Variants in SDHA observed in about 807,000 individuals in gnomAD.
SDHA encodes the protein succinate dehydrogenase complex flavoprotein subunit A, also known as succinate dehydrogenase [ubiquinone] flavoprotein subunit, mitochondrial.
SDHA carries 48 observed loss-of-function variants against 78.4 expected under a neutral mutation model. The observed-to-expected ratio is 0.61, with a 90% CI of 0.49 to 0.78. SDHA has a LOEUF of 0.78. Among genes scored for constraint, SDHA ranks in the 30% least tolerant of loss-of-function variants. The pLI is 0.00. For synonymous variants in SDHA, 326 were observed against 353.9 expected (o/e 0.92, Z 0.88); for missense variants, 680 against 892.7 (o/e 0.76, Z 3.04).
chr5:240,536 G>A (rs1327631869), intron 11 of SDHA, 60 bp downstream of exon 11: 16 of 1,143,554 alleles, frequency 1.4e-5, no homozygotes, highest in Non-Finnish European at 2.1e-5. Context: ...CCCTGCACTG[G>A]TTTTGTTTTT....
chr5:236,738 A>G, intron 10 of SDHA, 139 bp downstream of exon 10: 1 of 833,376 alleles, frequency 1.2e-6, no homozygotes, highest in Non-Finnish European at 2.0e-6. Context: ...CCCGGGCTCA[A>G]GCAGTCTTCA....
intron 6 of SDHA, among the ~76,000 whole-genome samples, chr5:229,791 C>T (rs113832454): frequency 0.069 from 9,058 of 131,830 alleles, 415 homozygotes; most frequent in Admixed American, 0.091. Context: ...AGCATGGTGG[C>T]TAGAGTTAAC....
intron 11 of SDHA, among the ~76,000 whole-genome samples, chr5:243,937 G>A (rs1237828118): frequency 6.6e-6 from 1 of 152,146 alleles, no homozygotes; most frequent in East Asian, 1.9e-4. Flanking sequence ...TACTAAAAAA[G>A]AATGTAGAAA....
intron 1 of SDHA, among the ~76,000 whole-genome samples, chr5:221,433 G>A (rs1011154837): frequency 6.6e-6 from 1 of 152,182 alleles, no homozygotes; most frequent in Non-Finnish European, 1.5e-5. Flanking sequence ...TTTTGTGATT[G>A]TGTAGGTTGT....
intron 14 of SDHA, among the ~76,000 whole-genome samples, chr5:255,323 G>C (rs1463630873): frequency 6.6e-6 from 1 of 151,842 alleles, no homozygotes; most frequent in East Asian, 1.9e-4. Flanking sequence ...CTATCATCTA[G>C]TGTGTCTGTG....
intron 10 of SDHA, among the ~76,000 whole-genome samples, chr5:239,506 G>A (rs1414545018): frequency 1.3e-5 from 2 of 151,446 alleles, no homozygotes; most frequent in African/African-American, 2.4e-5. Context: ...GCAGTGAGCC[G>A]AGATGGTGCC....
At chr5:264,969 A>T in the SDHA span, among the ~76,000 whole-genome samples, 1 of 152,174 alleles carries the variant, frequency 6.6e-6, no homozygotes, top group Non-Finnish European at 1.5e-5. Flanking sequence ...GCACTTTGGG[A>T]GGCCGAGGTG....
chr5:246,863 G>C (rs1561006721), intron 11 of SDHA, among the ~76,000 whole-genome samples: 1 of 152,204 alleles, frequency 6.6e-6, no homozygotes, highest in Non-Finnish European at 1.5e-5. Context: ...AAATTACATG[G>C]ATATGATCCT....
downstream of SDHA, among the ~76,000 whole-genome samples, chr5:258,623 C>T (rs1737365435): frequency 2.1e-5 from 2 of 94,446 alleles, no homozygotes; most frequent in Middle Eastern, 8.8e-3. Flanking sequence ...AGAGCATTAC[C>T]GTGTGAGCTC....
chr5:241,549 G>A (rs1349887106), intron 11 of SDHA, among the ~76,000 whole-genome samples: 1 of 152,212 alleles, frequency 6.6e-6, no homozygotes, highest in African/African-American at 2.4e-5. Flanking sequence ...CATCCAGTAT[G>A]GCAGCCATTA....
At chr5:231,696 G>A (rs1329390560) in intron 7 of SDHA, among the ~76,000 whole-genome samples, 4 of 152,286 alleles carry the variant, frequency 2.6e-5, no homozygotes, top group East Asian at 3.9e-4. Flanking sequence ...GTCTCCACCG[G>A]GGTTTACTGA....
At chr5:218,605 C>T (rs1454732124) in intron 1 of SDHA, among the ~76,000 whole-genome samples, 187 bp downstream of exon 1, 1 of 152,174 alleles carries the variant, frequency 6.6e-6, no homozygotes, top group Non-Finnish European at 1.5e-5. Context: ...CTCGGGGACC[C>T]GGGGAGCTCG....
intron 11 of SDHA, among the ~76,000 whole-genome samples, chr5:248,233 G>C (rs1420092527): frequency 2.6e-5 from 4 of 152,006 alleles, no homozygotes; most frequent in Non-Finnish European, 5.9e-5. Flanking sequence ...GAGATTCTGG[G>C]AGGATCCCGA....
the SDHA span, among the ~76,000 whole-genome samples, chr5:268,730 T>A: frequency 7.9e-5 from 12 of 152,296 alleles, no homozygotes; most frequent in South Asian, 2.3e-3. Context: ...ATTTAAATAT[T>A]AAAAGGGTGG....
intron 10 of SDHA, among the ~76,000 whole-genome samples, chr5:238,635 G>A (rs1431697080): frequency 2.8e-4 from 42 of 152,242 alleles, no homozygotes; most frequent in Middle Eastern, 3.4e-3. Flanking sequence ...CTCCCGAAGT[G>A]GTTACATGCG....
chr5:225,608 A>G (rs752206435), intron 4 of SDHA, 46 bp downstream of exon 4: 3 of 1,613,434 alleles, frequency 1.9e-6, no homozygotes, highest in Non-Finnish European at 2.5e-6. Flanking sequence ...TGTTTCTAGT[A>G]CAAAAGAATC....
intron 1 of SDHA, among the ~76,000 whole-genome samples, chr5:219,398 C>G (rs1030147298): frequency 6.6e-6 from 1 of 152,228 alleles, no homozygotes; most frequent in Non-Finnish European, 1.5e-5. Context: ...CTTACCCACC[C>G]ACCTCCTTAA....
chr5:226,595 G>T (rs1482334535), intron 5 of SDHA, among the ~76,000 whole-genome samples: 2 of 152,088 alleles, frequency 1.3e-5, no homozygotes, highest in Non-Finnish European at 1.5e-5. Flanking sequence ...TCGTACCACT[G>T]CACTCCAGCC....
At chr5:268,457 C>G in the SDHA span, among the ~76,000 whole-genome samples, 1 of 152,162 alleles carries the variant, frequency 6.6e-6, no homozygotes, top group South Asian at 2.1e-4. Context: ...TGAGCCACCG[C>G]GCCTGGCCAG....
Sources: gnomAD v4.1 joint callset for allele counts (sites outside exome capture counted in the v4.1 genomes callset) on GRCh38, gnomAD v4.1.1 for gene constraint, MANE v1.5 for transcripts, NCBI Gene and HGNC (gene_info 2026-07-23, HGNC 2026-07-21) for gene names.